Variants in REDIC1 observed in about 807,000 individuals in gnomAD.
REDIC1 encodes the protein HEI10 Interacting Protein 1.
the REDIC1 span, among the ~76,000 whole-genome samples, chr12:39,786,980 G>GT: frequency 1.2e-5 from 1 of 85,120 alleles, no homozygotes; most frequent in East Asian, 2.9e-4. Flanking sequence ...TATTTTCTGT[G>GT]TTTTTTCTTT....
chr12:39,875,043 C>T, the REDIC1 span, among the ~76,000 whole-genome samples: 10 of 152,198 alleles, frequency 6.6e-5, no homozygotes, highest in Non-Finnish European at 1.2e-4. Flanking sequence ...TTTTCATCTT[C>T]CTTTCTCTAA....
the REDIC1 span, among the ~76,000 whole-genome samples, chr12:39,692,582 G>C: frequency 1.3e-5 from 2 of 150,522 alleles, no homozygotes; most frequent in African/African-American, 4.9e-5. Flanking sequence ...CATCTGCTTT[G>C]ATACTTGTAG....
the REDIC1 span, chr12:39,829,813 T>C: frequency 1.4e-5 from 5 of 361,892 alleles, no homozygotes; most frequent in South Asian, 9.8e-5. Flanking sequence ...GTGGGAGAAA[T>C]TGCCTTGGCA....
chr12:39,637,121 T>G, the REDIC1 span, among the ~76,000 whole-genome samples: 2 of 151,846 alleles, frequency 1.3e-5, no homozygotes, highest in African/African-American at 4.8e-5. Context: ...TTTAACCCCT[T>G]TATACTTTTT....
chr12:39,856,138 T>C, the REDIC1 span, among the ~76,000 whole-genome samples: 2 of 152,134 alleles, frequency 1.3e-5, no homozygotes, highest in Admixed American at 1.3e-4. Flanking sequence ...TTGCCACATA[T>C]ACCTAAGTTC....
At chr12:39,687,223 G>C in the REDIC1 span, among the ~76,000 whole-genome samples, 1 of 152,102 alleles carries the variant, frequency 6.6e-6, no homozygotes, top group African/African-American at 2.4e-5. Flanking sequence ...CACATTTTCA[G>C]GTATCTTTAT....
chr12:39,682,817 C>T, the REDIC1 span: 2 of 1,612,076 alleles, frequency 1.2e-6, no homozygotes, highest in South Asian at 2.2e-5. Context: ...AATTGTGACT[C>T]TTTTGTTAGT....
At chr12:39,886,465 C>A in the REDIC1 span, among the ~76,000 whole-genome samples, 12 of 151,950 alleles carry the variant, frequency 7.9e-5, no homozygotes, top group South Asian at 2.5e-3. Flanking sequence ...AGAAGAAATG[C>A]AATTATCTAT....
the REDIC1 span, among the ~76,000 whole-genome samples, chr12:39,901,952 T>A: frequency 3.9e-5 from 6 of 151,982 alleles, no homozygotes; most frequent in Non-Finnish European, 7.4e-5. Context: ...AAAATGTCCA[T>A]CAATGATAGA....
chr12:39,740,914 A>G, the REDIC1 span, among the ~76,000 whole-genome samples: 42 of 152,308 alleles, frequency 2.8e-4, 1 homozygote, highest in African/African-American at 8.4e-4. Context: ...TGAATAAACC[A>G]TATTTTAAAA....
the REDIC1 span, among the ~76,000 whole-genome samples, chr12:39,714,387 ATGTATATATG>A: frequency 1.8e-5 from 1 of 54,246 alleles, no homozygotes; most frequent in African/African-American, 4.4e-5. Context: ...ATATGTGTAT[ATGTATATATG>A]TATATATATG....
the REDIC1 span, chr12:39,755,628 T>C: frequency 6.6e-6 from 1 of 152,072 alleles, no homozygotes; most frequent in Non-Finnish European, 1.5e-5. Context: ...TACAAAATGT[T>C]GGTTACTCAT....
the REDIC1 span, among the ~76,000 whole-genome samples, chr12:39,886,191 T>G: frequency 1.3e-5 from 2 of 152,106 alleles, no homozygotes; most frequent in Non-Finnish European, 1.5e-5. Context: ...GAGGAACTAG[T>G]TGAACTGTAA....
the REDIC1 span, among the ~76,000 whole-genome samples, chr12:39,685,112 C>A: frequency 6.6e-6 from 1 of 152,100 alleles, no homozygotes; most frequent in Non-Finnish European, 1.5e-5. Context: ...AATAAAAACA[C>A]GTTTTCAGAG....
chr12:39,727,368 T>C, the REDIC1 span, among the ~76,000 whole-genome samples: 1 of 152,198 alleles, frequency 6.6e-6, no homozygotes. Context: ...TTTCTGCATA[T>C]GGCTAGCCAG....
chr12:39,628,272 G>A, the REDIC1 span, among the ~76,000 whole-genome samples: 1 of 152,032 alleles, frequency 6.6e-6, no homozygotes, highest in African/African-American at 2.4e-5. Context: ...AGGCTTCTTA[G>A]GGTAAAGCCC....
the REDIC1 span, among the ~76,000 whole-genome samples, chr12:39,808,458 G>A: frequency 2.0e-5 from 3 of 152,208 alleles, no homozygotes; most frequent in Admixed American, 2.0e-4. Flanking sequence ...TTGACTAAAT[G>A]TGTCATAATT....
the REDIC1 span, among the ~76,000 whole-genome samples, chr12:39,788,951 G>A: frequency 1.3e-5 from 2 of 152,046 alleles, no homozygotes; most frequent in African/African-American, 4.8e-5. Context: ...AATCTACTGT[G>A]TGTGTGTGCG....
the REDIC1 span, chr12:39,716,969 A>G: frequency 3.8e-6 from 2 of 532,362 alleles, no homozygotes; most frequent in Admixed American, 4.5e-5. Context: ...TATAAACAAA[A>G]AGGTAAAAAA....
Sources: allele counts gnomAD v4.1 joint callset (sites outside exome capture counted in the v4.1 genomes callset), GRCh38; gene constraint gnomAD v4.1.1; transcripts MANE v1.5; gene names NCBI Gene and HGNC (gene_info 2026-07-23, HGNC 2026-07-21).